The following PTPN4 variants were observed in gnomAD, a reference collection of about 807,000 sequenced individuals.
PTPN4 encodes the protein protein tyrosine phosphatase non-receptor type 4.
In PTPN4, 49 loss-of-function variants were observed where a neutral mutation model predicts 135.5. The observed-to-expected ratio is 0.36, with a 90% confidence interval of 0.29 to 0.46. The LOEUF is 0.46. Ranked by LOEUF, PTPN4 falls within the 20% of genes least tolerant of loss-of-function variation. The pLI, the probability that PTPN4 is intolerant of heterozygous loss-of-function variation, is 1.00. For synonymous variants in PTPN4, 333 were observed against 369.9 expected (o/e 0.90, Z 1.14); for missense variants, 860 against 1,101.0 (o/e 0.78, Z 3.10).
At chr2:119,803,888 A>G (rs577695615) in intron 1 of PTPN4, among the ~76,000 whole-genome samples, 1 of 152,018 alleles carries the variant, frequency 6.6e-6, no homozygotes, top group African/African-American at 2.4e-5. Context: ...TTTTATCATT[A>G]TGTAATGCCT....
At chr2:119,791,558 A>G (rs75242414) in intron 1 of PTPN4, among the ~76,000 whole-genome samples, 381 of 152,338 alleles carry the variant, frequency 2.5e-3, no homozygotes, top group African/African-American at 8.7e-3. Context: ...GTTTTGCTAC[A>G]TATGGTATTC....
At position 119,932,446 on chromosome 2, in the gene PTPN4, C is replaced by T. The variant is rs1476965501; in HGVS notation, c.1093C>T (p.Arg365Trp). The T allele has an allele frequency of 8.1e-6, 13 of 1,609,154 alleles. No individual in the cohort carries two copies. The highest frequency in any genetic ancestry group is 2.7e-5 in the African/African-American group (2 of 74,638). ...FARSPSKPLA[R>W]KLMDWEVVSR... is the part of the protein sequence containing the mutation. ...CAGATCCCCAAGTAAGCCCTTGGCA[C>T]GGAAATTAATGGATTGGGAAGTAGT... Residue 365 changes from arginine to tryptophan, a missense_variant, in exon 14 of 27, where the codon CGG becomes TGG. Arg to Trp is a moderately radical substitution (Grantham distance 101). This residue lies in a region of PTPN4 where 684 missense variants were observed against 807.0 expected (regional missense o/e 0.85). Transcript: ENST00000263708.
chr2:119,956,237 ATTTTTTTT>A (rs10627020), intron 20 of PTPN4, among the ~76,000 whole-genome samples: 4 of 101,042 alleles, frequency 4.0e-5, no homozygotes, highest in East Asian at 6.5e-4. Context: ...ATAAACCTGA[ATTTTTTTT>A]TTTTTTTTTT....
intron 10 of PTPN4, among the ~76,000 whole-genome samples, chr2:119,904,086 T>G (rs886650269): frequency 1.3e-5 from 2 of 152,072 alleles, no homozygotes; most frequent in East Asian, 1.9e-4. Flanking sequence ...TATCAACGTA[T>G]AAGGACAGAA....
chr2:119,910,427 T>C (rs763093399), intron 10 of PTPN4, among the ~76,000 whole-genome samples: 6 of 152,110 alleles, frequency 3.9e-5, no homozygotes, highest in Non-Finnish European at 7.4e-5. Flanking sequence ...GCTGTACCAA[T>C]ATCCAGAATG....
chr2:119,907,486 C>T (rs571278709), intron 10 of PTPN4, among the ~76,000 whole-genome samples: 1 of 152,194 alleles, frequency 6.6e-6, no homozygotes, highest in East Asian at 1.9e-4. Flanking sequence ...TATTTGTAGT[C>T]CTAGCTACTC....
intron 3 of PTPN4, among the ~76,000 whole-genome samples, chr2:119,869,350 T>C (rs1010190578): frequency 1.3e-5 from 2 of 152,300 alleles, no homozygotes; most frequent in Admixed American, 1.3e-4. Context: ...AAACTGCATA[T>C]TGCAAATGGG....
At chr2:119,844,327 CGGCTGGCCGGGCGGGG>C (rs1677441099) in intron 2 of PTPN4, among the ~76,000 whole-genome samples, 1 of 115,674 alleles carries the variant, frequency 8.6e-6, no homozygotes, top group Non-Finnish European at 1.8e-5. Context: ...CCGGACGGGG[CGGCTGGCCGGGCGGGG>C]GGCTGACCCC....
chr2:119,760,451 A>G (rs115776575), intron 1 of PTPN4, 67 bp downstream of exon 1: 6,007 of 388,570 alleles, frequency 0.015, 59 homozygotes, highest in Non-Finnish European at 0.019. Context: ...TCTTACCTGC[A>G]TGTGTGGCTC....
At chr2:119,788,452 A>C (rs1372333290) in intron 1 of PTPN4, among the ~76,000 whole-genome samples, 2 of 152,184 alleles carry the variant, frequency 1.3e-5, no homozygotes, top group Non-Finnish European at 2.9e-5. Context: ...AATAGCATAA[A>C]ATTTACTAAA....
At chr2:119,936,317 A>G (rs866639005) in intron 15 of PTPN4, among the ~76,000 whole-genome samples, 26 of 152,246 alleles carry the variant, frequency 1.7e-4, no homozygotes, top group Middle Eastern at 3.4e-3. Flanking sequence ...TGTAAATTTT[A>G]TAGATTCACA....
intron 1 of PTPN4, among the ~76,000 whole-genome samples, chr2:119,770,704 T>C (rs1336872580): frequency 1.3e-5 from 2 of 152,022 alleles, no homozygotes; most frequent in Non-Finnish European, 2.9e-5. Context: ...AGTAGTATGT[T>C]CTATTGTATA....
intron 2 of PTPN4, among the ~76,000 whole-genome samples, chr2:119,831,245 T>C (rs1027807395): frequency 4.6e-5 from 7 of 152,140 alleles, no homozygotes; most frequent in African/African-American, 1.4e-4. Flanking sequence ...GCTTGCTAGC[T>C]CAATACTCTC....
chr2:119,781,714 A>G (rs1272870394), intron 1 of PTPN4, among the ~76,000 whole-genome samples: 3 of 152,234 alleles, frequency 2.0e-5, no homozygotes, highest in East Asian at 3.8e-4. Context: ...TGAAAATTAC[A>G]TGAAATTCAG....
At position 119,786,601 on chromosome 2, in the gene PTPN4, A is replaced by C. The variant is rs557956315; in HGVS notation, c.-17-23236A>C. On this transcript the variant is annotated intron_variant, in intron 1 of 26. Coordinates refer to ENST00000263708, the MANE Select transcript of PTPN4 (RefSeq NM_002830.4). ...CTACATGTGACCTGGGCTTCCTTGGAGGTGGGTGACTGGATTCTGGGGATA... is the reference window on the plus strand; with the variant it reads ...CTACATGTGACCTGGGCTTCCTTGGCGGTGGGTGACTGGATTCTGGGGATA... Among the ~76,000 whole-genome samples, 3 of 152,198 alleles carry C rather than the reference A, an allele frequency of 2.0e-5. No individual in the cohort carries two copies. In the East Asian group the frequency reaches 5.8e-4, roughly 29 times the overall value.
intron 1 of PTPN4, among the ~76,000 whole-genome samples, chr2:119,783,478 A>G (rs1295064684): frequency 6.6e-6 from 1 of 152,214 alleles, no homozygotes; most frequent in African/African-American, 2.4e-5. Flanking sequence ...ATCAGATTGA[A>G]GATTAGCAAA....
chr2:119,835,346 A>G (rs1677275752), intron 2 of PTPN4, among the ~76,000 whole-genome samples: 1 of 151,992 alleles, frequency 6.6e-6, no homozygotes, highest in African/African-American at 2.4e-5. Context: ...CACCGCGCCC[A>G]GCTAATTTTT....
At chr2:119,888,616 A>T (rs1464241662) in intron 9 of PTPN4, among the ~76,000 whole-genome samples, 1 of 152,016 alleles carries the variant, frequency 6.6e-6, no homozygotes, top group African/African-American at 2.4e-5. Context: ...TGTTCTTGTG[A>T]TATATCATGT....
intron 2 of PTPN4, among the ~76,000 whole-genome samples, chr2:119,854,059 G>T (rs899979597): frequency 6.6e-6 from 1 of 152,126 alleles, no homozygotes; most frequent in African/African-American, 2.4e-5. Context: ...TGGAGGAGGC[G>T]GTGTCTGATT....
Sources: allele counts gnomAD v4.1 joint callset (sites outside exome capture counted in the v4.1 genomes callset), GRCh38; gene constraint gnomAD v4.1.1; regional missense constraint gnomAD v4.1.1; transcripts MANE v1.5; gene names NCBI Gene and HGNC (gene_info 2026-07-23, HGNC 2026-07-21).